The following SIPA1L1 variants were observed in gnomAD, a reference collection of about 807,000 sequenced individuals.
The protein encoded by SIPA1L1 is signal induced proliferation associated 1 like 1.
SIPA1L1 carries 26 observed loss-of-function variants against 162.7 expected under a neutral mutation model. The observed-to-expected ratio is 0.16, with a 90% CI of 0.12 to 0.22. The LOEUF (loss-of-function observed/expected upper bound fraction) is 0.22, where lower values mean the gene tolerates loss of function less well. Ranked by LOEUF, SIPA1L1 falls within the 10% of genes least tolerant of loss-of-function variation. The probability of loss-of-function intolerance (pLI) is 1.00; values close to 1 mark genes in which losing one functional copy is unlikely to be tolerated. For synonymous variants in SIPA1L1, 829 were observed against 837.4 expected (o/e 0.99, Z 0.17); for missense variants, 1,874 against 2,241.0 (o/e 0.84, Z 3.31).
At chr14:71,445,726 A>G (rs1390662931) in intron 2 of SIPA1L1, among the ~76,000 whole-genome samples, 2 of 152,236 alleles carry the variant, frequency 1.3e-5, no homozygotes, top group African/African-American at 4.8e-5. Context: ...TCGAATTACT[A>G]CTTTTGCAAA....
At chr14:71,346,499 T>C (rs2036182693) in intron 2 of SIPA1L1, among the ~76,000 whole-genome samples, 1 of 152,140 alleles carries the variant, frequency 6.6e-6, no homozygotes, top group Non-Finnish European at 1.5e-5. Flanking sequence ...AGAGCAAAGA[T>C]GGTATTACCT....
chr14:71,327,697 A>G (rs998473062), intron 2 of SIPA1L1, among the ~76,000 whole-genome samples: 1 of 152,178 alleles, frequency 6.6e-6, no homozygotes, highest in African/African-American at 2.4e-5. Context: ...TGACTTTTAA[A>G]GACTTTTCAG....
At chr14:71,620,043 A>G (rs1393856141) in intron 6 of SIPA1L1, among the ~76,000 whole-genome samples, 1 of 152,088 alleles carries the variant, frequency 6.6e-6, no homozygotes, top group East Asian at 1.9e-4. Context: ...GCTCCTCTCT[A>G]GCTTCCCAGA....
chr14:71,422,457 C>T (rs987512126), intron 2 of SIPA1L1, among the ~76,000 whole-genome samples: 1 of 152,156 alleles, frequency 6.6e-6, no homozygotes, highest in African/African-American at 2.4e-5. Context: ...AAATTCTGTA[C>T]TCATTAAACA....
At chr14:71,320,901 C>T (rs1047173706) in intron 1 of SIPA1L1, among the ~76,000 whole-genome samples, 2 of 151,972 alleles carry the variant, frequency 1.3e-5, no homozygotes, top group Non-Finnish European at 2.9e-5. Flanking sequence ...TCCGCCTTCC[C>T]CTCCTCCGGG....
At chr14:71,333,699 A>C (rs1404238424) in intron 2 of SIPA1L1, among the ~76,000 whole-genome samples, 1 of 152,214 alleles carries the variant, frequency 6.6e-6, no homozygotes, top group African/African-American at 2.4e-5. Context: ...GGGATACATC[A>C]ATAAACAACT....
At chr14:71,714,375 A>G (rs890773903) in intron 17 of SIPA1L1, among the ~76,000 whole-genome samples, 18 of 152,308 alleles carry the variant, frequency 1.2e-4, no homozygotes, top group African/African-American at 3.1e-4. Flanking sequence ...GCTTTGTTCT[A>G]TGAAGCAACT....
intron 2 of SIPA1L1, among the ~76,000 whole-genome samples, chr14:71,428,866 G>A (rs1274497536): frequency 1.3e-5 from 2 of 152,238 alleles, no homozygotes; most frequent in African/African-American, 4.8e-5. Context: ...ACTTGGGGTA[G>A]ATGATGGGTA....
At chr14:71,595,238 C>T (rs190620487) in intron 5 of SIPA1L1, among the ~76,000 whole-genome samples, 147 of 152,340 alleles carry the variant, frequency 9.6e-4, no homozygotes, top group Middle Eastern at 3.4e-3. Flanking sequence ...CATATAAAAA[C>T]AGAGTTTGTT....
chr14:71,598,340 C>T (rs1375338883), intron 5 of SIPA1L1: 2 of 485,166 alleles, frequency 4.1e-6, no homozygotes, highest in African/African-American at 4.2e-5. Context: ...AGGTATCTCC[C>T]TTAAGACATT....
chr14:71,674,092 T>C (rs1031923337), intron 12 of SIPA1L1, among the ~76,000 whole-genome samples: 1 of 152,370 alleles, frequency 6.6e-6, no homozygotes, highest in South Asian at 2.1e-4. Context: ...TGGGAGAAGA[T>C]AGCCAAGCTT....
At chr14:71,327,864 G>A (rs1332031734) in intron 2 of SIPA1L1, among the ~76,000 whole-genome samples, 1 of 152,130 alleles carries the variant, frequency 6.6e-6, no homozygotes, top group African/African-American at 2.4e-5. Context: ...TTTGACATAC[G>A]AAGAGAGTGC....
chr14:71,407,826 AG>A (rs2042133566), intron 2 of SIPA1L1, among the ~76,000 whole-genome samples: 1 of 152,168 alleles, frequency 6.6e-6, no homozygotes, highest in Non-Finnish European at 1.5e-5. Context: ...TAGAAAGGAC[AG>A]GTTGACAGCA....
At chr14:71,703,197 G>A (rs927215362) in intron 15 of SIPA1L1, among the ~76,000 whole-genome samples, 1 of 152,214 alleles carries the variant, frequency 6.6e-6, no homozygotes, top group Admixed American at 6.5e-5. Flanking sequence ...AACACAGTTG[G>A]TGCATCATTA....
rs943110725 is a variant in SIPA1L1 at position 71,599,748 on chromosome 14, C to T, written c.1498+10378C>T. Among the ~76,000 whole-genome samples, 3 of 152,174 alleles carry T rather than the reference C, an allele frequency of 2.0e-5. No individual in the cohort carries two copies. In the East Asian group the frequency reaches 5.8e-4, roughly 29 times the overall value. Reference sequence around the variant, plus strand: ...TTAATCCATCAACAGTGTATGAGTTCCCTTTTCTCTGCATCTTCACCAACA... The same window carrying T: ...TTAATCCATCAACAGTGTATGAGTTTCCTTTTCTCTGCATCTTCACCAACA... On this transcript the variant is annotated intron_variant, in intron 5 of 23. Coordinates refer to ENST00000381232, the MANE Select transcript of SIPA1L1 (RefSeq NM_001386936.1).
chr14:71,700,073 TA>T (rs1284196143), intron 14 of SIPA1L1, among the ~76,000 whole-genome samples: 7 of 152,208 alleles, frequency 4.6e-5, no homozygotes, highest in African/African-American at 1.7e-4. Context: ...AAATTGGGGA[TA>T]GGGGGCATAC....
At chr14:71,351,346 A>T (rs1205268603) in intron 2 of SIPA1L1, among the ~76,000 whole-genome samples, 1 of 152,218 alleles carries the variant, frequency 6.6e-6, no homozygotes, top group East Asian at 1.9e-4. Context: ...CTTGGAATAC[A>T]TGGAGATAGT....
chr14:71,571,359 A>G (rs1046683972), intron 4 of SIPA1L1, among the ~76,000 whole-genome samples: 1 of 152,134 alleles, frequency 6.6e-6, no homozygotes, highest in Non-Finnish European at 1.5e-5. Context: ...ATCAAAGAGT[A>G]ATAAAATAAA....
intron 2 of SIPA1L1, among the ~76,000 whole-genome samples, chr14:71,408,723 T>G (rs529736842): frequency 4.1e-4 from 63 of 152,300 alleles, no homozygotes; most frequent in African/African-American, 1.5e-3. Flanking sequence ...AGAAGTACAG[T>G]AGGAATCTCT....
Sources: allele counts gnomAD v4.1 joint callset (sites outside exome capture counted in the v4.1 genomes callset), GRCh38; gene constraint gnomAD v4.1.1; transcripts MANE v1.5; gene names NCBI Gene and HGNC (gene_info 2026-07-23, HGNC 2026-07-21).